ANLN: variants seen among roughly 807,000 people sequenced by gnomAD.
ANLN encodes the protein anillin, actin binding protein.
ANLN carries 59 observed loss-of-function variants against 135.1 expected under a neutral mutation model. The ratio of observed to expected loss-of-function variants is 0.44; its 90% CI spans 0.35 to 0.54. The LOEUF (loss-of-function observed/expected upper bound fraction) is 0.54, where lower values mean the gene tolerates loss of function less well. ANLN is among the 20% of genes least tolerant of loss of function. ANLN has a pLI of 0.00. For synonymous variants in ANLN, 406 were observed against 456.4 expected (o/e 0.89, Z 1.41); for missense variants, 1,182 against 1,340.0 (o/e 0.88, Z 1.84).
chr7:36,431,617 A>ATATATATATATATATATAT (rs141380630), intron 20 of ANLN, among the ~76,000 whole-genome samples: 33 of 67,346 alleles, frequency 4.9e-4, no homozygotes, highest in Admixed American at 7.5e-4. Flanking sequence ...ATATATATAT[A>ATATATATATATATATATAT]ATATATATAT....
intron 22 of ANLN, chr7:36,449,167 C>T (rs1247850343): frequency 2.0e-5 from 3 of 152,318 alleles, no homozygotes; most frequent in African/African-American, 7.2e-5. Flanking sequence ...TGAATGTTTT[C>T]CTCCACTTTG....
At chr7:36,426,792 A>G (rs889068585) in intron 19 of ANLN, 124 bp from the exon 20 acceptor site, 2 of 493,832 alleles carry the variant, frequency 4.0e-6, no homozygotes, top group Middle Eastern at 3.3e-4. Context: ...GATGAAGGAA[A>G]ATGAGGCAGT....
chr7:36,435,523 A>C (rs913034458), intron 20 of ANLN, among the ~76,000 whole-genome samples: 1 of 152,116 alleles, frequency 6.6e-6, no homozygotes, highest in Non-Finnish European at 1.5e-5. Flanking sequence ...TTTAAGTGGA[A>C]TCAAAGAATG....
intron 2 of ANLN, 144 bp downstream of exon 2, chr7:36,396,563 AT>A (rs1310034369): frequency 6.9e-6 from 5 of 726,588 alleles, no homozygotes; most frequent in African/African-American, 1.8e-5. Context: ...ACAGCCTTCT[AT>A]TCTATTTCAG....
rs182692482 is a variant in ANLN, at chr7:36,407,977, T to G, written c.1096+21T>G. On this transcript the variant is annotated intron_variant, in intron 5 of 23. Transcript: ENST00000265748. ...ACCAGGTTACGTATTTATAAAAAAT[T>G]TAGTTATTGCTGATTATATTCAGGA... 2.1e-4 allele frequency: 330 copies of G among 1,567,250 alleles called. 1 individual carries two copies. In the African/African-American group the frequency reaches 3.7e-3, roughly 17 times the overall value.
intron 21 of ANLN, among the ~76,000 whole-genome samples, chr7:36,441,818 A>G (rs1788784395): frequency 6.6e-6 from 1 of 152,242 alleles, no homozygotes; most frequent in African/African-American, 2.4e-5. Context: ...ACGTTAACAC[A>G]GGAGGGAGCT....
chr7:36,447,238 C>A (rs1044966262), intron 22 of ANLN, among the ~76,000 whole-genome samples: 2 of 152,188 alleles, frequency 1.3e-5, no homozygotes, highest in South Asian at 4.1e-4. Flanking sequence ...TACTGTAGAT[C>A]TTGACAACCT....
chr7:36,406,059 CT>C, intron 3 of ANLN, 121 bp from the exon 4 acceptor site: 1 of 864,484 alleles, frequency 1.2e-6, no homozygotes, highest in Non-Finnish European at 1.6e-6. Flanking sequence ...CATGCTAGAA[CT>C]TTTCACTGGT....
intron 20 of ANLN, among the ~76,000 whole-genome samples, chr7:36,430,251 G>T (rs1788259136): frequency 6.6e-6 from 1 of 152,102 alleles, no homozygotes; most frequent in African/African-American, 2.4e-5. Flanking sequence ...TATTTTACTG[G>T]TGCCTTGACC....
At chr7:36,429,846 A>AAATTAAAT (rs1175571923) in intron 20 of ANLN, among the ~76,000 whole-genome samples, 1 of 152,180 alleles carries the variant, frequency 6.6e-6, no homozygotes, top group Admixed American at 6.5e-5. Flanking sequence ...TTACAAATTA[A>AAATTAAAT]AATTAAATTA....
At chr7:36,415,420 A>G (rs572934115) in intron 7 of ANLN, among the ~76,000 whole-genome samples, 25 of 151,652 alleles carry the variant, frequency 1.6e-4, no homozygotes, top group African/African-American at 6.0e-4. Context: ...ATTTTATTTT[A>G]TTTTATTTTA....
intron 20 of ANLN, chr7:36,428,214 T>C (rs1788165624): frequency 1.8e-6 from 1 of 555,144 alleles, no homozygotes; most frequent in African/African-American, 2.1e-5. Context: ...ATTTTAAAAA[T>C]TTTTGTAACT....
intron 20 of ANLN, among the ~76,000 whole-genome samples, chr7:36,429,419 C>T (rs1788222005): frequency 6.6e-6 from 1 of 152,032 alleles, no homozygotes; most frequent in South Asian, 2.1e-4. Flanking sequence ...CAGGGTTTCA[C>T]CATGTTACCC....
chr7:36,452,579 C>T lies in ANLN; in HGVS notation c.3354C>T (p.Tyr1118=), dbSNP rs748830939. The T allele has an allele frequency of 1.2e-6, 2 of 1,614,044 alleles. No individual in the cohort carries two copies. Among genetic ancestry groups the T allele is most frequent in the Non-Finnish European group, 1.7e-6 (2 of 1,179,934 alleles). ...DIRLWQPDAC[Y]KPIGKP Reference sequence around the variant, plus strand: ...GCCTCTGGCAACCTGATGCTTGCTACAAACCTATTGGAAAGCCTTAAACCG... The same window carrying T: ...GCCTCTGGCAACCTGATGCTTGCTATAAACCTATTGGAAAGCCTTAAACCG... The change falls in exon 24 of 24, where the codon TAC becomes TAT. Residue 1118 remains tyrosine (Y), a synonymous_variant. Transcript: ENST00000265748.
chr7:36,406,896 A>G (rs1486952468), intron 4 of ANLN, among the ~76,000 whole-genome samples: 2 of 152,176 alleles, frequency 1.3e-5, no homozygotes, highest in Admixed American at 6.5e-5. Flanking sequence ...TTAAATATAT[A>G]TATGAGAAAT....
chr7:36,418,082 C>T (rs1053939665), intron 9 of ANLN, among the ~76,000 whole-genome samples: 3 of 152,140 alleles, frequency 2.0e-5, no homozygotes, highest in African/African-American at 7.2e-5. Context: ...CTTACGTTTA[C>T]TGCTTTATTT....
intron 20 of ANLN, among the ~76,000 whole-genome samples, chr7:36,435,029 T>C (rs1038276377): frequency 6.6e-6 from 1 of 152,144 alleles, no homozygotes; most frequent in African/African-American, 2.4e-5. Context: ...ATTATTATGA[T>C]TGTGGTCAAG....
At position 36,396,214 on chromosome 7, in the gene ANLN, A is replaced by G; in HGVS notation, c.19-52A>G. On this transcript the variant is annotated intron_variant, in intron 1 of 23. Coordinates refer to ENST00000265748, the MANE Select transcript of ANLN (RefSeq NM_018685.5). ...TGATTTTAGAAGATACTGCAATTTT[A>G]TGAACCTTTGATTAAACTTGTGTTT... The G allele has an allele frequency of 3.4e-6, 5 of 1,482,484 alleles. No individual in the cohort carries two copies. In the Admixed American group the frequency reaches 6.4e-5, roughly 19 times the overall value. The allele number at this position is 1,482,484 out of a possible 1,614,324, so 91.8% of individuals were successfully genotyped here.
At chr7:36,413,728 C>T (rs545351005) in intron 7 of ANLN, among the ~76,000 whole-genome samples, 15 of 152,264 alleles carry the variant, frequency 9.9e-5, no homozygotes, top group South Asian at 2.1e-4. Flanking sequence ...TGGTGGCTCC[C>T]GCCTGTAATC....
Sources: allele counts gnomAD v4.1 joint callset (sites outside exome capture counted in the v4.1 genomes callset), GRCh38; gene constraint gnomAD v4.1.1; transcripts MANE v1.5; gene names NCBI Gene and HGNC (gene_info 2026-07-23, HGNC 2026-07-21).